The following GDNF variants were observed in gnomAD, a reference collection of about 807,000 sequenced individuals.
GDNF encodes glial cell derived neurotrophic factor, also known as glial cell line-derived neurotrophic factor.
GDNF carries 5 observed loss-of-function variants against 13.7 expected under a neutral mutation model. The observed-to-expected ratio is 0.36, with a 90% CI of 0.19 to 0.77. The LOEUF is 0.77. Ranked by LOEUF, GDNF falls within the 30% of genes least tolerant of loss-of-function variation. GDNF has a pLI of 0.51. For synonymous variants in GDNF, 122 were observed against 112.5 expected (o/e 1.08, Z -0.53); for missense variants, 246 against 274.3 (o/e 0.90, Z 0.73).
chr5:37,835,307 T>G, intron 1 of GDNF: 1 of 510,426 alleles, frequency 2.0e-6, no homozygotes. Context: ...GGTGTTTCTC[T>G]TTGGAAATAA....
chr5:37,834,315 A>G (rs1750621005), intron 2 of GDNF, among the ~76,000 whole-genome samples: 1 of 152,244 alleles, frequency 6.6e-6, no homozygotes, highest in South Asian at 2.1e-4. Flanking sequence ...TGTATAGGTG[A>G]GGAAACAGAA....
chr5:37,825,910 A>G (rs1456036677), intron 2 of GDNF, among the ~76,000 whole-genome samples: 3 of 152,256 alleles, frequency 2.0e-5, no homozygotes, highest in Non-Finnish European at 2.9e-5. Flanking sequence ...TTCTACCCCC[A>G]GTGAGTGAAT....
Position 37,837,994 on chromosome 5 carries a change from G to GTTT in GDNF, c.-27+1510_-27+1512dup, listed in dbSNP as rs75624956. On this transcript the variant is annotated intron_variant, in intron 1 of 2. Coordinates refer to ENST00000326524, the MANE Select transcript of GDNF (RefSeq NM_000514.4). The surrounding 1 kb of genome is among the most constrained non-coding windows in gnomAD (Gnocchi z 6.5). ...GGGAGACGGGTTTGCTATAAACTCG[G>GTTT]TTTTTTTTTTTTTTTTTTTGGCGGG... is the stretch of plus-strand genomic sequence containing the variant. 1.0e-4 allele frequency among the ~76,000 whole-genome samples: 13 copies of GTTT among 125,472 alleles called. No homozygotes were observed. Among genetic ancestry groups the GTTT allele is most frequent in the Non-Finnish European group, 1.5e-4 (9 of 60,148 alleles). 82.3% of individuals were successfully genotyped at this position (125,472 alleles called of 152,430 possible). A position where few individuals can be genotyped will look rare whatever the true frequency, so the allele number is the denominator to read the frequency against.
intron 2 of GDNF, among the ~76,000 whole-genome samples, chr5:37,833,588 C>T (rs978004752): frequency 5.3e-5 from 8 of 152,276 alleles, no homozygotes; most frequent in East Asian, 1.9e-4. Context: ...GGGGACTCAG[C>T]GCACAGCTGA....
rs2973035 is a variant in GDNF at position 37,838,219 on chromosome 5, G to C, written c.-27+1288C>G. On this transcript the variant is annotated intron_variant, in intron 1 of 2. Transcript: ENST00000326524. The surrounding 1 kb of genome is among the most constrained non-coding windows in gnomAD (Gnocchi z 4.1). ...GTTTAAAGGGCCAGGTTCCAGGCCC[G>C]AGAGCACCCGAATTGCTAGCGGGAA... Among the ~76,000 whole-genome samples, 1 of 151,978 alleles carries C rather than the reference G, an allele frequency of 6.6e-6. No homozygotes were observed. The highest frequency in any genetic ancestry group is 1.5e-5 in the Non-Finnish European group (1 of 67,988).
rs1749773677 is a variant in GDNF, at chr5:37,812,888, C to CA, written c.*2762dup. 6.6e-6 allele frequency: 1 copy of CA among 152,144 alleles called. No homozygotes were observed. Among genetic ancestry groups the CA allele is most frequent in the East Asian group, 1.9e-4 (1 of 5,196 alleles). 9.4% of individuals were successfully genotyped at this position (152,144 alleles called of 1,614,324 possible). On this transcript the variant is annotated 3_prime_UTR_variant, in exon 3 of 3. Coordinates refer to ENST00000326524, the MANE Select transcript of GDNF (RefSeq NM_000514.4). The stretch of plus-strand genomic sequence containing the variant: ...TTACCCTTTTGTGGATTTGGTGGAG[C>CA]AACTTGCTTCCATTAAAACCTGCTT...
intron 2 of GDNF, among the ~76,000 whole-genome samples, chr5:37,820,601 C>T (rs1750100149): frequency 6.6e-6 from 1 of 152,120 alleles, no homozygotes; most frequent in Non-Finnish European, 1.5e-5. Flanking sequence ...AATGATGTGT[C>T]AATGTAGGTT....
intron 2 of GDNF, among the ~76,000 whole-genome samples, chr5:37,829,770 T>C (rs1183224519): frequency 6.6e-6 from 1 of 152,202 alleles, no homozygotes; most frequent in Non-Finnish European, 1.5e-5. Flanking sequence ...CCTAAGGTCC[T>C]GACTGGCCAA....
In GDNF at chr5:37,815,487, TTCCTCCTCCTCCTCCTCC is replaced by T. The variant is rs150577324; in HGVS notation, c.*146_*163del. ...CTACCAGGCTCCCATGATGGCTGCCTTCCTCCTCCTCCTCCTCCTCCTCCTCCTCCTCCTCTTCTTCTT... is the reference window on the plus strand; with the variant it reads ...CTACCAGGCTCCCATGATGGCTGCCTTCCTCCTCCTCCTCCTCTTCTTCTT... On this transcript the variant is annotated 3_prime_UTR_variant, in exon 3 of 3. Coordinates refer to ENST00000326524, the MANE Select transcript of GDNF (RefSeq NM_000514.4). This position sits in a 1 kb window ranked among gnomAD's most constrained non-coding sequence, Gnocchi z 5.0. 1.6e-6 allele frequency: 1 copy of T among 636,554 alleles called. No individual in the cohort carries two copies. Among genetic ancestry groups the T allele is most frequent in the Admixed American group, 2.4e-5 (1 of 42,324 alleles). The allele number at this position is 636,554 out of a possible 1,614,324, so 39.4% of individuals were successfully genotyped here.
intron 2 of GDNF, among the ~76,000 whole-genome samples, chr5:37,826,541 G>A (rs1161693054): frequency 6.6e-6 from 1 of 152,180 alleles, no homozygotes; most frequent in African/African-American, 2.4e-5. Context: ...GAGCTCTTCC[G>A]TGTTCCTCAA....
At chr5:37,827,947 G>A (rs924829575) in intron 2 of GDNF, among the ~76,000 whole-genome samples, 4 of 152,172 alleles carry the variant, frequency 2.6e-5, no homozygotes, top group Admixed American at 1.3e-4. Context: ...CTTATTTGCA[G>A]GTTTGCAGGC....
intron 2 of GDNF, among the ~76,000 whole-genome samples, chr5:37,817,405 G>T (rs1009321417): frequency 6.6e-6 from 1 of 152,134 alleles, no homozygotes; most frequent in Non-Finnish European, 1.5e-5. Flanking sequence ...GTGGCTTAGA[G>T]AAATAAACCA....
Position 37,814,792 on chromosome 5 carries a change from A to G in GDNF, c.*859T>C, listed in dbSNP as rs994497823. On this transcript the variant is annotated 3_prime_UTR_variant, in exon 3 of 3. Coordinates refer to ENST00000326524, the MANE Select transcript of GDNF (RefSeq NM_000514.4). ...TGACCACGCATCAACGGAGCTGGTT[A>G]TGTAACATCTGTCTCTCTGTAAACC... 1 of 152,260 alleles carries G rather than the reference A, an allele frequency of 6.6e-6. No homozygotes were observed. The highest frequency in any genetic ancestry group is 1.5e-5 in the Non-Finnish European group (1 of 68,054). 9.4% of individuals were successfully genotyped at this position (152,260 alleles called of 1,614,324 possible). A position where few individuals can be genotyped will look rare whatever the true frequency, so the allele number is the denominator to read the frequency against.
At chr5:37,827,916 A>G (rs1356968530) in intron 2 of GDNF, among the ~76,000 whole-genome samples, 2 of 152,236 alleles carry the variant, frequency 1.3e-5, no homozygotes, top group South Asian at 4.1e-4. Context: ...GCTTCAAAGT[A>G]GGTAATCGTT....
rs1561139037 is a variant in GDNF, at chr5:37,838,398, G to C, written c.-27+1109C>G. On this transcript the variant is annotated intron_variant, in intron 1 of 2. Transcript: ENST00000326524. The surrounding 1 kb of genome is among the most constrained non-coding windows in gnomAD (Gnocchi z 4.1). Reference sequence around the variant, plus strand: ...TTTGCGGGACTGGGTGCGTGAATGAGGTTGGAAGAAACATCTCTTCCTTGA... The same window carrying C: ...TTTGCGGGACTGGGTGCGTGAATGACGTTGGAAGAAACATCTCTTCCTTGA... 2.6e-5 allele frequency among the ~76,000 whole-genome samples: 4 copies of C among 152,254 alleles called. No individual in the cohort carries two copies. The highest frequency in any genetic ancestry group is 7.2e-5 in the African/African-American group (3 of 41,462).
chr5:37,836,487 C>T (rs1750712045), intron 1 of GDNF, among the ~76,000 whole-genome samples: 1 of 152,212 alleles, frequency 6.6e-6, no homozygotes, highest in Non-Finnish European at 1.5e-5. Context: ...CTAGAAACTC[C>T]TAGTGACCTG....
chr5:37,834,845 G>T, intron 1 of GDNF, 23 bp from the exon 2 acceptor site: 1 of 1,609,874 alleles, frequency 6.2e-7, no homozygotes, highest in African/African-American at 1.3e-5. Context: ...GCGGGAGGTG[G>T]GGGAGAGAAC....
chr5:37,817,029 T>C (rs543429259), intron 2 of GDNF, among the ~76,000 whole-genome samples: 12 of 152,308 alleles, frequency 7.9e-5, no homozygotes, highest in Admixed American at 7.2e-4. Context: ...TGTTCGTGCA[T>C]AGAAGCAGCC....
intron 2 of GDNF, among the ~76,000 whole-genome samples, chr5:37,819,444 C>CTTTTTTT (rs529362873): frequency 2.7e-3 from 336 of 126,026 alleles, no homozygotes; most frequent in East Asian, 3.6e-3. Context: ...GTGCTCTTTT[C>CTTTTTTT]TTTTTTTTTT....
Sources: gnomAD v4.1 joint callset for allele counts (sites outside exome capture counted in the v4.1 genomes callset) on GRCh38, gnomAD v4.1.1 for gene constraint, Gnocchi (gnomAD v3.1) non-coding constraint, MANE v1.5 for transcripts, NCBI Gene and HGNC (gene_info 2026-07-23, HGNC 2026-07-21) for gene names.